KLRC2: variants seen among roughly 807,000 people sequenced by gnomAD.
KLRC2 encodes the protein NKG2-C type II integral membrane protein.
KLRC2 carries 10 observed loss-of-function variants against 25.5 expected under a neutral mutation model. The observed-to-expected ratio is 0.39, with a 90% confidence interval of 0.24 to 0.67. The LOEUF is 0.67. KLRC2 is among the 30% of genes least tolerant of loss of function. KLRC2 has a pLI of 0.45. For missense variants in KLRC2, 170 were observed against 272.8 expected (o/e 0.62, Z 2.65); for synonymous variants, 48 against 93.3 (o/e 0.51, Z 2.80).
intron 2 of KLRC2, among the ~76,000 whole-genome samples, 200 bp from the exon 3 acceptor site, chr12:10,434,730 C>CA (rs1863852312): frequency 6.6e-6 from 1 of 151,692 alleles, no homozygotes; most frequent in Non-Finnish European, 1.5e-5. Context: ...CAAACTTCAC[C>CA]ATCTCTTGTA....
chr12:10,431,026 TA>T lies in KLRC2; in HGVS notation c.*90del. On this transcript the variant is annotated 3_prime_UTR_variant, in exon 6 of 6. Coordinates refer to ENST00000381902, the MANE Select transcript of KLRC2 (RefSeq NM_002260.4). ...AATTTTTGTATCAGAGCAAATAACA[TA>T]ATTCATTTTCAGATTTATGCAATCA... 8.6e-7 allele frequency: 1 copy of T among 1,166,190 alleles called. No individual in the cohort carries two copies. Among genetic ancestry groups the T allele is most frequent in the Non-Finnish European group, 1.2e-6 (1 of 851,792 alleles). The allele number at this position is 1,166,190 out of a possible 1,614,324, so 72.2% of individuals were successfully genotyped here.
rs1475515026 is a variant in KLRC2, at chr12:10,431,226, A to G, written c.587T>C (p.Ile196Thr). The G allele has an allele frequency of 6.5e-7, 1 of 1,540,594 alleles. No individual in the cohort carries two copies. Among genetic ancestry groups the G allele is most frequent in the Non-Finnish European group, 8.9e-7 (1 of 1,127,632 alleles). Residue 196 changes from isoleucine to threonine, a missense_variant and splice_region_variant, in exon 6 of 6, where the codon ATA becomes ACA. Physicochemically the swap from Ile to Thr is moderately conservative, Grantham distance 89 (BLOSUM62 -1). This residue lies in a region of KLRC2 where 129 missense variants were observed against 150.2 expected (regional missense o/e 0.86). Coordinates refer to ENST00000381902, the MANE Select transcript of KLRC2 (RefSeq NM_002260.4). ...AAGTTCAGCATTATCTGAGTCTTTT[A>G]TCCTGTAATGGAGAAAAATCCATTT... is the stretch of plus-strand genomic sequence containing the variant. Reference protein sequence around the residue: ...TINGLAFKHKIKDSDNAELNC... With the variant: ...TINGLAFKHKTKDSDNAELNC...
rs548440420 is a variant in KLRC2 at position 10,432,656 on chromosome 12, G to A, written c.484-450C>T. Among the ~76,000 whole-genome samples the A allele has an allele frequency of 5.2e-4, 71 of 137,578 alleles. 16 individuals are homozygous for A. The highest frequency in any genetic ancestry group is 1.9e-3 in the African/African-American group (67 of 35,772). 90.3% of individuals were successfully genotyped at this position (137,578 alleles called of 152,430 possible). On this transcript the variant is annotated intron_variant, in intron 4 of 5. Transcript: ENST00000381902. ...CTAGATAAGCCCTCAATTTTTATCC[G>A]ATTCGGTTTTTGCGGAATAACAGGG... is the stretch of plus-strand genomic sequence containing the variant.
rs753679746 is a variant in KLRC2, at chr12:10,432,088, C to T, written c.584+18G>A. ...CTTTATATATATTTTTTATATAGCGCCATACAAAAGAACTTACTTATGTTT... is the reference window on the plus strand; with the variant it reads ...CTTTATATATATTTTTTATATAGCGTCATACAAAAGAACTTACTTATGTTT... On this transcript the variant is annotated intron_variant, in intron 5 of 5. Transcript: ENST00000381902. 2.7e-6 allele frequency: 4 copies of T among 1,464,654 alleles called. 1 individual carries two copies. The highest frequency in any genetic ancestry group is 1.9e-6 in the Non-Finnish European group (2 of 1,067,250). The allele number at this position is 1,464,654 out of a possible 1,614,324, so 90.7% of individuals were successfully genotyped here.
Position 10,431,175 on chromosome 12 carries a change from C to T in KLRC2, c.638G>A (p.Arg213Gln), listed in dbSNP as rs1321981788. The change falls in exon 6 of 6, where the codon CGA becomes CAA. Residue 213 changes from arginine to glutamine, a missense_variant. Arg to Gln is a conservative substitution (Grantham distance 43). This residue lies in a region of KLRC2 where 129 missense variants were observed against 150.2 expected (regional missense o/e 0.86). Coordinates refer to ENST00000381902, the MANE Select transcript of KLRC2 (RefSeq NM_002260.4). ...ELNCAVLQVN[R>Q]LKSAQCGSSM... The stretch of plus-strand genomic sequence containing the variant: ...AGATCCACACTGGGCTGATTTAAGT[C>T]GATTTACTTGTAGCACTGCACAGTT... The T allele has an allele frequency of 2.6e-6, 4 of 1,549,134 alleles. No homozygotes were observed. The highest frequency in any genetic ancestry group is 1.1e-5 in the South Asian group (1 of 89,100).
At position 10,430,935 on chromosome 12, in the gene KLRC2, C is replaced by T. The variant is rs551674559; in HGVS notation, c.*182G>A. 144 of 1,176,248 alleles carry T rather than the reference C, an allele frequency of 1.2e-4. 9 individuals carry two copies. Among genetic ancestry groups the T allele is most frequent in the Non-Finnish European group, 1.2e-4 (112 of 905,992 alleles). 72.9% of individuals were successfully genotyped at this position (1,176,248 alleles called of 1,614,324 possible). On this transcript the variant is annotated 3_prime_UTR_variant, in exon 6 of 6. Transcript: ENST00000381902. ...AATACCATGTTGAGCAAAATGAGCCCGACACAAATGCTAGGATGTCTGTAC... is the reference window on the plus strand; with the variant it reads ...AATACCATGTTGAGCAAAATGAGCCTGACACAAATGCTAGGATGTCTGTAC...
At chr12:10,432,994 T>C (rs1278440084) in intron 4 of KLRC2, among the ~76,000 whole-genome samples, 1 of 140,506 alleles carries the variant, frequency 7.1e-6, no homozygotes, top group African/African-American at 2.7e-5. Context: ...GCAAGGATGA[T>C]CTACCAGGAG....
intron 1 of KLRC2, 23 bp downstream of exon 1, chr12:10,435,777 T>C (rs1863863061): frequency 1.3e-6 from 2 of 1,537,526 alleles, no homozygotes; most frequent in South Asian, 1.1e-5. Flanking sequence ...ACAATAATAT[T>C]GAAGATATAT....
At chr12:10,431,304 T>G (rs985897923) in intron 5 of KLRC2, 76 bp from the exon 6 acceptor site, 1 of 1,476,510 alleles carries the variant, frequency 6.8e-7, no homozygotes, top group Middle Eastern at 1.8e-4. Context: ...TTCCATGTAC[T>G]GTAAGAAAAG....
rs1353820953 is a variant in KLRC2 at position 10,432,951 on chromosome 12, C to T, written c.484-745G>A. On this transcript the variant is annotated intron_variant, in intron 4 of 5. Transcript: ENST00000381902. ...GGAGGAGGGTATCGAAGGAGAGTCCCCTCCACAATACCAGGCAAGGCTGGT... is the reference window on the plus strand; with the variant it reads ...GGAGGAGGGTATCGAAGGAGAGTCCTCTCCACAATACCAGGCAAGGCTGGT... Among the ~76,000 whole-genome samples the T allele has an allele frequency of 2.9e-5, 4 of 139,248 alleles. 1 individual carries two copies. Among genetic ancestry groups the T allele is most frequent in the Non-Finnish European group, 6.3e-5 (4 of 63,812 alleles). 91.4% of individuals were successfully genotyped at this position (139,248 alleles called of 152,430 possible). A position where few individuals can be genotyped will look rare whatever the true frequency, so the allele number is the denominator to read the frequency against.
chr12:10,432,144 A>G lies in KLRC2; in HGVS notation c.546T>C (p.His182=). 1 of 1,532,704 alleles carries G rather than the reference A, an allele frequency of 6.5e-7. No homozygotes were observed. The highest frequency in any genetic ancestry group is 8.9e-7 in the Non-Finnish European group (1 of 1,126,238). The allele number at this position is 1,532,704 out of a possible 1,614,324, so 94.9% of individuals were successfully genotyped here. Residue 182 remains histidine, a synonymous_variant, in exon 5 of 6, where the codon CAT becomes CAC. Transcript: ENST00000381902. ...WIGVFRNSSH[H]PWVTINGLAF... is the part of the protein sequence containing the mutation. ...CCAAACCATTTATTGTCACCCATGG[A>G]TGATGACTGCTGTTACGAAACACAC... is the stretch of plus-strand genomic sequence containing the variant.
rs1403858600 is a variant in KLRC2, at chr12:10,434,470, G to T, written c.331+16C>A. The T allele has an allele frequency of 6.4e-7, 1 of 1,567,718 alleles. No homozygotes were observed. Among genetic ancestry groups the T allele is most frequent in the Non-Finnish European group, 8.8e-7 (1 of 1,142,166 alleles). ...TAAATTGTACTAATATCAGAACATT[G>T]AAAATAAAAATGTACCTTTCTGCGT... On this transcript the variant is annotated intron_variant, in intron 3 of 5. Transcript: ENST00000381902.
rs190618182 is a variant in KLRC2, at chr12:10,433,887, A to C, written c.387T>G (p.Tyr129Ter). ...EEWITYSNSC[Y>*]YIGKERRTWE... is the part of the protein sequence containing the mutation. ...AAGTTCTTCTTTCCTTACCAATGTA[A>C]TAACAACTGTTGGAATATGTAATCC... Residue 129 changes from tyrosine (Y) to a stop codon, truncating the protein, a stop_gained, in exon 4 of 6, where the codon TAT becomes TAG. Coordinates refer to ENST00000381902, the MANE Select transcript of KLRC2 (RefSeq NM_002260.4). LOFTEE classifies it high-confidence loss of function. The C allele has an allele frequency of 8.4e-6, 13 of 1,547,746 alleles. 2 individuals are homozygous for C. In the South Asian group the frequency reaches 1.5e-4, roughly 17 times the overall value.
At chr12:10,432,607 T>C (rs1323248501) in intron 4 of KLRC2, among the ~76,000 whole-genome samples, 1 of 139,650 alleles carries the variant, frequency 7.2e-6, no homozygotes, top group African/African-American at 2.7e-5. Flanking sequence ...GATTGGGTTT[T>C]CTGGGTACCA....
At position 10,435,584 on chromosome 12, in the gene KLRC2, A is replaced by G. The variant is rs1372414763; in HGVS notation, c.188-174T>C. ...TCTTTCTCTCAGAATATACCATTTC[A>G]TTTTCAGTAAATATAATGTTCCATG... On this transcript the variant is annotated intron_variant, in intron 1 of 5. Transcript: ENST00000381902. Among the ~76,000 whole-genome samples, 2 of 144,074 alleles carry G rather than the reference A, an allele frequency of 1.4e-5. 1 individual carries two copies. Among genetic ancestry groups the G allele is most frequent in the East Asian group, 4.1e-4 (2 of 4,824 alleles). 94.5% of individuals were successfully genotyped at this position (144,074 alleles called of 152,430 possible).
At chr12:10,432,937 T>C (rs1411435583) in intron 4 of KLRC2, among the ~76,000 whole-genome samples, 3 of 138,506 alleles carry the variant, frequency 2.2e-5, no homozygotes, top group African/African-American at 8.4e-5. Context: ...GAGGAGGGTA[T>C]CGAAGGAGAG....
In KLRC2 at chr12:10,433,942, G is replaced by A; in HGVS notation, c.332C>T (p.Ala111Val). 6.5e-7 allele frequency: 1 copy of A among 1,544,486 alleles called. No individual in the cohort carries two copies. Among genetic ancestry groups the A allele is most frequent in the South Asian group, 1.1e-5 (1 of 87,860 alleles). ...NFSPNTRTQK[A>V]RHCGHCPEEW... is the part of the protein sequence containing the mutation. Reference sequence around the variant, plus strand: ...CTCAGGACAATGGCCACAATGACGTGCTAATAAAGATATGAATTACTATCT... The same window carrying A: ...CTCAGGACAATGGCCACAATGACGTACTAATAAAGATATGAATTACTATCT... The change falls in exon 4 of 6, where the codon GCA (alanine) becomes GTA (valine). Residue 111 changes from alanine to valine, a missense_variant and splice_region_variant. By Grantham distance (64) the Ala-to-Val change is moderately conservative (BLOSUM62 0). Coordinates refer to ENST00000381902, the MANE Select transcript of KLRC2 (RefSeq NM_002260.4).
intron 5 of KLRC2, 43 bp downstream of exon 5, chr12:10,432,063 C>A: frequency 7.6e-7 from 1 of 1,321,242 alleles, no homozygotes. Context: ...TGAATTTATC[C>A]TTTATATATA....
Position 10,432,122 on chromosome 12 carries a change from A to G in KLRC2, c.568T>C (p.Leu190=). Residue 190 remains leucine, a synonymous_variant, in exon 5 of 6, where the codon TTG becomes CTG. Coordinates refer to ENST00000381902, the MANE Select transcript of KLRC2 (RefSeq NM_002260.4). ...AGAACTTACTTATGTTTGAAAGCCA[A>G]ACCATTTATTGTCACCCATGGATGA... ...SHHPWVTING[L]AFKHKIKDSD... The G allele has an allele frequency of 1.3e-6, 2 of 1,531,674 alleles. No homozygotes were observed. The highest frequency in any genetic ancestry group is 2.4e-5 in the East Asian group (1 of 41,674). 94.9% of individuals were successfully genotyped at this position (1,531,674 alleles called of 1,614,324 possible).
Sources: allele counts gnomAD v4.1 joint callset (sites outside exome capture counted in the v4.1 genomes callset), GRCh38; gene constraint gnomAD v4.1.1; regional missense constraint gnomAD v4.1.1; transcripts MANE v1.5; gene names NCBI Gene and HGNC (gene_info 2026-07-23, HGNC 2026-07-21).